Variants in ZSWIM6 observed in about 807,000 individuals in gnomAD.
ZSWIM6 encodes the protein zinc finger SWIM domain-containing protein 6.
ZSWIM6 carries 9 observed loss-of-function variants against 113.2 expected under a neutral mutation model. That is an observed-to-expected ratio of 0.08 (90% CI 0.05 to 0.14). ZSWIM6 has a LOEUF of 0.14. Ranked by LOEUF, ZSWIM6 falls within the 10% of genes least tolerant of loss-of-function variation. The probability of loss-of-function intolerance (pLI) is 1.00; values close to 1 mark genes in which losing one functional copy is unlikely to be tolerated. For missense variants in ZSWIM6, 1,162 were observed against 1,552.2 expected, an observed-to-expected ratio of 0.75 and a Z score of 4.22; for synonymous variants, 611 against 606.5, an observed-to-expected ratio of 1.01 and a Z score of -0.11.
At chr5:61,396,359 C>T (rs1442711029) in intron 1 of ZSWIM6, among the ~76,000 whole-genome samples, 1 of 152,140 alleles carries the variant, frequency 6.6e-6, no homozygotes, top group East Asian at 1.9e-4. Context: ...TGGTGAAACC[C>T]TGTCTCTACT....
chr5:61,460,429 A>G (rs1747299075), intron 1 of ZSWIM6, among the ~76,000 whole-genome samples: 1 of 152,062 alleles, frequency 6.6e-6, no homozygotes, highest in Non-Finnish European at 1.5e-5. Flanking sequence ...TGTGCTTTTG[A>G]ATCTTCAAAA....
chr5:61,494,431 A>G (rs1359419287), intron 4 of ZSWIM6, 21 bp downstream of exon 4: 6 of 1,550,244 alleles, frequency 3.9e-6, no homozygotes, highest in Middle Eastern at 1.7e-4. Context: ...TTCCTCACAA[A>G]TTACCATTGA....
chr5:61,495,551 T>C (rs1313071526), intron 4 of ZSWIM6, among the ~76,000 whole-genome samples: 1 of 152,190 alleles, frequency 6.6e-6, no homozygotes, highest in Non-Finnish European at 1.5e-5. Context: ...AATAACTTAA[T>C]CTTGCTGCTT....
chr5:61,462,610 A>G (rs1433933314), intron 1 of ZSWIM6, among the ~76,000 whole-genome samples: 1 of 152,226 alleles, frequency 6.6e-6, no homozygotes, highest in Admixed American at 6.5e-5. Flanking sequence ...TGGCATTTCC[A>G]GCAGCAAGTG....
intron 4 of ZSWIM6, among the ~76,000 whole-genome samples, chr5:61,506,316 G>T (rs905103346): frequency 3.3e-5 from 5 of 152,108 alleles, no homozygotes; most frequent in African/African-American, 1.2e-4. Context: ...AGGTGTGGTG[G>T]CTCACGCCTG....
At chr5:61,403,931 T>G (rs1256449935) in intron 1 of ZSWIM6, among the ~76,000 whole-genome samples, 1 of 152,228 alleles carries the variant, frequency 6.6e-6, no homozygotes, top group African/African-American at 2.4e-5. Context: ...AGTTTAACTG[T>G]AGTCTTGTCT....
chr5:61,425,239 C>A (rs1746442590), intron 1 of ZSWIM6, among the ~76,000 whole-genome samples: 1 of 152,064 alleles, frequency 6.6e-6, no homozygotes, highest in Non-Finnish European at 1.5e-5. Flanking sequence ...TTAGTTACAT[C>A]CCAATTTCAG....
intron 4 of ZSWIM6, among the ~76,000 whole-genome samples, chr5:61,505,125 G>A (rs1163761707): frequency 2.0e-5 from 3 of 152,102 alleles, no homozygotes; most frequent in Non-Finnish European, 4.4e-5. Flanking sequence ...AGGACTATTG[G>A]ATGAGCCATG....
intron 1 of ZSWIM6, among the ~76,000 whole-genome samples, chr5:61,446,047 T>C (rs1049832750): frequency 3.3e-5 from 5 of 152,160 alleles, no homozygotes; most frequent in African/African-American, 1.2e-4. Flanking sequence ...ATGCAAACAT[T>C]TATCACATTT....
intron 1 of ZSWIM6, among the ~76,000 whole-genome samples, chr5:61,378,022 G>C (rs1745406678): frequency 6.6e-6 from 1 of 152,222 alleles, no homozygotes; most frequent in African/African-American, 2.4e-5. Flanking sequence ...TTGTTAGCCT[G>C]AATGGGGAGA....
chr5:61,507,899 C>T (rs1400434635), intron 4 of ZSWIM6, among the ~76,000 whole-genome samples: 2 of 152,106 alleles, frequency 1.3e-5, no homozygotes, highest in African/African-American at 2.4e-5. Context: ...TTCATATATA[C>T]ATAACTATAC....
At chr5:61,486,155 A>G (rs1407823392) in intron 2 of ZSWIM6, among the ~76,000 whole-genome samples, 2 of 151,552 alleles carry the variant, frequency 1.3e-5, no homozygotes, top group Non-Finnish European at 2.9e-5. Context: ...CATTCCACAC[A>G]CTCCATGCCC....
chr5:61,444,152 G>A (rs1419908319), intron 1 of ZSWIM6, among the ~76,000 whole-genome samples: 3 of 130,526 alleles, frequency 2.3e-5, no homozygotes, highest in African/African-American at 8.9e-5. Context: ...CTGTGTCCAT[G>A]TGTTCTCATT....
chr5:61,486,706 A>AT (rs1276483130), intron 2 of ZSWIM6, among the ~76,000 whole-genome samples: 1 of 151,888 alleles, frequency 6.6e-6, no homozygotes, highest in Non-Finnish European at 1.5e-5. Flanking sequence ...GATGTTGAGC[A>AT]TTTTTTCATG....
intron 1 of ZSWIM6, among the ~76,000 whole-genome samples, chr5:61,420,621 G>T (rs770092365): frequency 6.6e-6 from 1 of 152,022 alleles, no homozygotes; most frequent in Non-Finnish European, 1.5e-5. Flanking sequence ...GGAGGTGCAC[G>T]TTAGAACAAT....
chr5:61,511,266 G>A (rs1412102758), intron 4 of ZSWIM6, among the ~76,000 whole-genome samples: 1 of 152,044 alleles, frequency 6.6e-6, no homozygotes, highest in African/African-American at 2.4e-5. Context: ...TTCTCATTCT[G>A]CAAAATGGAA....
chr5:61,494,467 C>G, intron 4 of ZSWIM6, 57 bp downstream of exon 4: 1 of 1,540,630 alleles, frequency 6.5e-7, no homozygotes, highest in African/African-American at 1.4e-5. Context: ...ATACCATAGT[C>G]AGATGTTTCA....
intron 1 of ZSWIM6, among the ~76,000 whole-genome samples, chr5:61,352,761 CTA>C (rs750508932): frequency 8.3e-4 from 127 of 152,328 alleles, no homozygotes; most frequent in Non-Finnish European, 1.5e-3. Context: ...GACATAGTCT[CTA>C]ATACATTCTG....
chr5:61,477,867 T>C (rs1479633936), intron 2 of ZSWIM6, among the ~76,000 whole-genome samples: 4 of 152,210 alleles, frequency 2.6e-5, no homozygotes. Context: ...TGACTGTCAT[T>C]GTTCGTTCTG....
Sources: allele counts gnomAD v4.1 joint callset (sites outside exome capture counted in the v4.1 genomes callset), GRCh38; gene constraint gnomAD v4.1.1; transcripts MANE v1.5; gene names NCBI Gene and HGNC (gene_info 2026-07-23, HGNC 2026-07-21).